BCO1: variants seen among roughly 807,000 people sequenced by gnomAD.
BCO1 encodes beta-carotene oxygenase 1.
Under a neutral mutation model 56.3 loss-of-function variants are expected in BCO1, and 54 were observed. The ratio of observed to expected loss-of-function variants is 0.96; its 90% CI spans 0.77 to 1.20. The LOEUF (loss-of-function observed/expected upper bound fraction) is 1.20, where lower values mean the gene tolerates loss of function less well. BCO1 is among the 50% of genes most tolerant of loss of function. The pLI is 0.00. For missense variants in BCO1, 801 were observed against 690.9 expected (o/e 1.16, Z -1.79); for synonymous variants, 318 against 266.1 (o/e 1.20, Z -1.90).
intron 2 of BCO1, among the ~76,000 whole-genome samples, chr16:81,249,020 A>T (rs1402408881): frequency 6.6e-6 from 1 of 152,016 alleles, no homozygotes; most frequent in African/African-American, 2.4e-5. Context: ...TCAAGAAAAA[A>T]AGCACCAGTG....
intron 1 of BCO1, among the ~76,000 whole-genome samples, chr16:81,240,265 A>G (rs994033500): frequency 6.6e-6 from 1 of 152,100 alleles, no homozygotes; most frequent in Non-Finnish European, 1.5e-5. Context: ...ATTTGGGTCT[A>G]TTTCCTTTAA....
At chr16:81,243,627 C>T (rs1905237313) in intron 1 of BCO1, among the ~76,000 whole-genome samples, 1 of 152,156 alleles carries the variant, frequency 6.6e-6, no homozygotes, top group Non-Finnish European at 1.5e-5. Flanking sequence ...CGTCATCACA[C>T]CTGGCTAATT....
In BCO1 at chr16:81,246,850, C is replaced by CAAAAAAAAAAAAAAAAAA. The variant is rs71710906; in HGVS notation, c.193+1248_193+1265dup. ...TGGGAGACAGAGCCAGACTTTGTCT[C>CAAAAAAAAAAAAAAAAAA]AAAAAAAAAAAAAAAAAAGAAGAGT... On this transcript the variant is annotated intron_variant, in intron 2 of 10. Coordinates refer to ENST00000258168, the MANE Select transcript of BCO1 (RefSeq NM_017429.3). 2.3e-3 allele frequency among the ~76,000 whole-genome samples: 191 copies of CAAAAAAAAAAAAAAAAAA among 83,210 alleles called. 8 individuals carry two copies. The highest frequency in any genetic ancestry group is 8.3e-3 in the East Asian group (18 of 2,166). The allele number at this position is 83,210 out of a possible 152,430, so 54.6% of individuals were successfully genotyped here. A position where few individuals can be genotyped will look rare whatever the true frequency, so the allele number is the denominator to read the frequency against.
intron 7 of BCO1, 85 bp from the exon 8 acceptor site, chr16:81,280,772 A>C (rs965393817): frequency 1.0e-5 from 10 of 979,112 alleles, no homozygotes; most frequent in Non-Finnish European, 1.6e-5. Flanking sequence ...GTATTCAAGC[A>C]TTTTAAAAAA....
At chr16:81,246,638 G>A (rs944431571) in intron 2 of BCO1, among the ~76,000 whole-genome samples, 4 of 151,886 alleles carry the variant, frequency 2.6e-5, no homozygotes, top group Middle Eastern at 3.4e-3. Flanking sequence ...ATCATTCAGG[G>A]TCGGGAGTTT....
chr16:81,285,536 G>T lies in BCO1; in HGVS notation c.1208-4G>T. The T allele has an allele frequency of 1.2e-6, 2 of 1,607,542 alleles. No homozygotes were observed. Among genetic ancestry groups the T allele is most frequent in the East Asian group, 2.2e-5 (1 of 44,832 alleles). Reference sequence around the variant, plus strand: ...GCTTCATCCACCTCCTCATTTCCTTGTAGGCTTAGAGCTTCCACGGGTCAA... The same window carrying T: ...GCTTCATCCACCTCCTCATTTCCTTTTAGGCTTAGAGCTTCCACGGGTCAA... On this transcript the variant is annotated splice_polypyrimidine_tract_variant and splice_region_variant and intron_variant, in intron 8 of 10. Coordinates refer to ENST00000258168, the MANE Select transcript of BCO1 (RefSeq NM_017429.3).
intron 4 of BCO1, chr16:81,264,147 G>A (rs978653336): frequency 2.5e-5 from 5 of 197,488 alleles, no homozygotes; most frequent in Non-Finnish European, 4.2e-5. Context: ...CAGAATAATC[G>A]TCTAAGAGAG....
rs534200918 is a variant in BCO1 at position 81,268,142 on chromosome 16, G to C, written c.843+11G>C. Reference sequence around the variant, plus strand: ...CACAGGGAGGAGAAGGTGAGGTCTGGCTGGACTCTAGCCCAGTGGGTGCTG... The same window carrying C: ...CACAGGGAGGAGAAGGTGAGGTCTGCCTGGACTCTAGCCCAGTGGGTGCTG... On this transcript the variant is annotated intron_variant, in intron 6 of 10. Transcript: ENST00000258168. The C allele has an allele frequency of 6.2e-7, 1 of 1,603,982 alleles. No homozygotes were observed. The highest frequency in any genetic ancestry group is 1.3e-5 in the African/African-American group (1 of 75,026).
At chr16:81,266,194 G>T (rs982864414) in intron 5 of BCO1, among the ~76,000 whole-genome samples, 2 of 152,212 alleles carry the variant, frequency 1.3e-5, no homozygotes, top group African/African-American at 4.8e-5. Flanking sequence ...TCCCTGCCCT[G>T]TTCTCCAGGC....
At chr16:81,290,076 C>A (rs1005003852) in intron 10 of BCO1, among the ~76,000 whole-genome samples, 8 of 152,200 alleles carry the variant, frequency 5.3e-5, no homozygotes, top group Non-Finnish European at 1.0e-4. Flanking sequence ...GTTGGCCAGA[C>A]TGGTCTCAAA....
chr16:81,277,812 A>C (rs142216056), intron 7 of BCO1, among the ~76,000 whole-genome samples: 316 of 152,280 alleles, frequency 2.1e-3, no homozygotes, highest in African/African-American at 7.2e-3. Flanking sequence ...AAAGCAGCCA[A>C]GTCATGTTTG....
At chr16:81,255,531 G>A (rs913461428) in intron 2 of BCO1, among the ~76,000 whole-genome samples, 14 of 150,380 alleles carry the variant, frequency 9.3e-5, no homozygotes, top group East Asian at 7.7e-4. Flanking sequence ...ATGGAGTCTC[G>A]CTCTGTTGCC....
intron 5 of BCO1, among the ~76,000 whole-genome samples, chr16:81,266,173 T>G (rs1287871655): frequency 6.6e-6 from 1 of 152,238 alleles, no homozygotes; most frequent in African/African-American, 2.4e-5. Flanking sequence ...CCTGCTGGGA[T>G]CCACTCCAGA....
intron 9 of BCO1, 120 bp downstream of exon 9, chr16:81,285,754 G>A: frequency 1.3e-6 from 1 of 794,454 alleles, no homozygotes; most frequent in East Asian, 2.6e-5. Flanking sequence ...GTAAGCCTAG[G>A]ATAAAATAAA....
intron 8 of BCO1, among the ~76,000 whole-genome samples, chr16:81,282,440 C>T (rs1235181635): frequency 6.6e-6 from 1 of 152,118 alleles, no homozygotes; most frequent in Admixed American, 6.6e-5. Context: ...CCATCAGCTG[C>T]CCCATGCCAG....
chr16:81,250,710 A>T (rs529754361), intron 2 of BCO1, among the ~76,000 whole-genome samples: 3 of 150,344 alleles, frequency 2.0e-5, no homozygotes, highest in African/African-American at 7.4e-5. Flanking sequence ...CCTCTGGAGT[A>T]GCTAGGATTA....
intron 2 of BCO1, among the ~76,000 whole-genome samples, chr16:81,250,457 G>A (rs1284789699): frequency 6.6e-6 from 1 of 151,858 alleles, no homozygotes; most frequent in African/African-American, 2.4e-5. Flanking sequence ...CACCAGAAAT[G>A]TTCAGTTCCA....
intron 8 of BCO1, among the ~76,000 whole-genome samples, chr16:81,283,928 G>A (rs1908019876): frequency 6.6e-6 from 1 of 151,828 alleles, no homozygotes; most frequent in Admixed American, 6.6e-5. Context: ...GCTCACACCT[G>A]TAATCCCAGC....
At chr16:81,271,679 A>G (rs1332348609) in intron 7 of BCO1, among the ~76,000 whole-genome samples, 1 of 152,080 alleles carries the variant, frequency 6.6e-6, no homozygotes, top group Non-Finnish European at 1.5e-5. Context: ...CACACAGCAC[A>G]GTGTTGTCAA....
Sources: gnomAD v4.1 joint callset for allele counts (sites outside exome capture counted in the v4.1 genomes callset) on GRCh38, gnomAD v4.1.1 for gene constraint, MANE v1.5 for transcripts, NCBI Gene and HGNC (gene_info 2026-07-23, HGNC 2026-07-21) for gene names.